The following GPC6 variants were observed in gnomAD, a reference collection of about 807,000 sequenced individuals.
GPC6 encodes the protein glypican 6.
Under a neutral mutation model 55.2 loss-of-function variants are expected in GPC6, and 14 were observed. The observed-to-expected ratio is 0.25, with a 90% confidence interval of 0.17 to 0.40. The LOEUF (loss-of-function observed/expected upper bound fraction) is 0.40. GPC6 is among the 10% of genes least tolerant of loss of function. The pLI is 1.00. For missense variants in GPC6, 641 were observed against 708.5 expected, an observed-to-expected ratio of 0.90 and a Z score of 1.08; for synonymous variants, 278 against 259.6, an observed-to-expected ratio of 1.07 and a Z score of -0.68.
At position 93,981,579 on chromosome 13, in the gene GPC6, C is replaced by T. The variant is rs570016900; in HGVS notation, c.712-46150C>T. On this transcript the variant is annotated intron_variant, in intron 3 of 8. Coordinates refer to ENST00000377047, the MANE Select transcript of GPC6 (RefSeq NM_005708.5). ...TCGCTCTTTGCATAATTTTCTGGTG[C>T]TGAAACATGAGAAAAATCTGGCTGC... Among the ~76,000 whole-genome samples, 4 of 152,208 alleles carry T rather than the reference C, an allele frequency of 2.6e-5. No homozygotes were observed. The South Asian group carries it at 6.2e-4, about 24-fold the overall frequency.
At chr13:93,373,489 C>T (rs1353776360) in intron 1 of GPC6, among the ~76,000 whole-genome samples, 6 of 152,092 alleles carry the variant, frequency 3.9e-5, no homozygotes, top group Non-Finnish European at 8.8e-5. Flanking sequence ...AAAGAACAAA[C>T]AAGCAAACCA....
chr13:93,252,063 G>A (rs550877857), intron 1 of GPC6, among the ~76,000 whole-genome samples: 1 of 152,260 alleles, frequency 6.6e-6, no homozygotes, highest in East Asian at 1.9e-4. Flanking sequence ...AAACTTGAAT[G>A]TGCACCAGAA....
At chr13:94,181,117 C>T (rs1888978540) in intron 4 of GPC6, among the ~76,000 whole-genome samples, 1 of 152,192 alleles carries the variant, frequency 6.6e-6, no homozygotes, top group Admixed American at 6.5e-5. Flanking sequence ...CTGGACTCAT[C>T]AATCGTATTT....
At chr13:93,503,870 A>C (rs938966403) in intron 1 of GPC6, among the ~76,000 whole-genome samples, 1 of 152,168 alleles carries the variant, frequency 6.6e-6, no homozygotes, top group Non-Finnish European at 1.5e-5. Context: ...GATGACATTG[A>C]CATTTTCATA....
At chr13:93,805,608 A>G (rs1886521160) in intron 2 of GPC6, among the ~76,000 whole-genome samples, 2 of 152,222 alleles carry the variant, frequency 1.3e-5, no homozygotes, top group African/African-American at 2.4e-5. Context: ...CATTATATGT[A>G]TAACATAGTT....
intron 1 of GPC6, among the ~76,000 whole-genome samples, chr13:93,457,863 C>T (rs1021544596): frequency 5.9e-5 from 9 of 152,058 alleles, no homozygotes; most frequent in Non-Finnish European, 1.0e-4. Flanking sequence ...ACATCTATTT[C>T]GAAGTCTTGA....
chr13:93,636,169 T>C (rs959255788), intron 2 of GPC6, among the ~76,000 whole-genome samples: 2 of 152,216 alleles, frequency 1.3e-5, no homozygotes, highest in Admixed American at 1.3e-4. Flanking sequence ...TGCTGGAGTT[T>C]GTTTATAAGT....
At chr13:93,626,433 A>G (rs1417503080) in intron 2 of GPC6, among the ~76,000 whole-genome samples, 4 of 152,118 alleles carry the variant, frequency 2.6e-5, no homozygotes, top group South Asian at 4.1e-4. Context: ...GCCACACCCC[A>G]TCTATTCCTT....
At chr13:93,881,023 A>G (rs1209653704) in intron 3 of GPC6, among the ~76,000 whole-genome samples, 1 of 152,090 alleles carries the variant, frequency 6.6e-6, no homozygotes. Context: ...TTGGTATAAC[A>G]AGCCCAGCAT....
intron 2 of GPC6, among the ~76,000 whole-genome samples, chr13:93,590,498 CT>C (rs1310324670): frequency 1.3e-5 from 2 of 151,904 alleles, no homozygotes; most frequent in African/African-American, 4.8e-5. Flanking sequence ...CTTATTGTGC[CT>C]GAAAAGTACC....
intron 1 of GPC6, among the ~76,000 whole-genome samples, chr13:93,488,197 A>G (rs1337710454): frequency 1.3e-5 from 2 of 151,846 alleles, no homozygotes; most frequent in Non-Finnish European, 2.9e-5. Context: ...TCAAATCCCA[A>G]CTATTAGTGA....
In GPC6 at chr13:94,312,236, T is replaced by G. The variant is rs567544506; in HGVS notation, c.1152+6113T>G. On this transcript the variant is annotated intron_variant, in intron 6 of 8. Transcript: ENST00000377047. ...AAAAATACACTGTAACTTTTGAAAT[T>G]CATCGGTAGGTCACTGGTGACAAAC... Among the ~76,000 whole-genome samples the G allele has an allele frequency of 2.8e-4, 42 of 152,326 alleles. 1 individual carries two copies. The South Asian group carries it at 8.5e-3, about 31-fold the overall frequency.
At chr13:93,453,145 T>C (rs1398450831) in intron 1 of GPC6, among the ~76,000 whole-genome samples, 1 of 152,246 alleles carries the variant, frequency 6.6e-6, no homozygotes, top group Non-Finnish European at 1.5e-5. Flanking sequence ...GGACATTGCC[T>C]AATTCTTGAA....
At chr13:93,912,103 C>G (rs1018687832) in intron 3 of GPC6, among the ~76,000 whole-genome samples, 1 of 152,178 alleles carries the variant, frequency 6.6e-6, no homozygotes, top group African/African-American at 2.4e-5. Context: ...TTGTTAATTA[C>G]AATGGGATCC....
At chr13:93,220,097 T>C in the GPC6 span, among the ~76,000 whole-genome samples, 2 of 152,198 alleles carry the variant, frequency 1.3e-5, no homozygotes, top group African/African-American at 4.8e-5. Context: ...AAGTCTGTCA[T>C]ACTGCCTATT....
chr13:93,594,204 A>G (rs1276259518), intron 2 of GPC6, among the ~76,000 whole-genome samples: 2 of 151,734 alleles, frequency 1.3e-5, no homozygotes, highest in East Asian at 3.9e-4. Context: ...GTACAAGTGC[A>G]GGTTTGTTAC....
chr13:93,920,558 C>A (rs1877515960), intron 3 of GPC6, among the ~76,000 whole-genome samples: 1 of 152,180 alleles, frequency 6.6e-6, no homozygotes, highest in Non-Finnish European at 1.5e-5. Context: ...ATTTGGATTT[C>A]TTTTAATGAG....
intron 6 of GPC6, among the ~76,000 whole-genome samples, chr13:94,312,878 T>C (rs77494587): frequency 0.062 from 9,432 of 152,332 alleles, 376 homozygotes; most frequent in Middle Eastern, 0.095. Flanking sequence ...CAGCCTCCGC[T>C]GCAGCTGAAT....
intron 8 of GPC6, among the ~76,000 whole-genome samples, chr13:94,399,900 C>A (rs183707589): frequency 8.0e-4 from 122 of 152,334 alleles, no homozygotes; most frequent in Non-Finnish European, 1.5e-3. Context: ...TAGCCTCACA[C>A]CTCTCATTTT....
Sources: allele counts gnomAD v4.1 joint callset (sites outside exome capture counted in the v4.1 genomes callset), GRCh38; gene constraint gnomAD v4.1.1; transcripts MANE v1.5; gene names NCBI Gene and HGNC (gene_info 2026-07-23, HGNC 2026-07-21).